The following CCDC175 variants were observed in gnomAD, a reference collection of about 807,000 sequenced individuals.
The protein encoded by CCDC175 is coiled-coil domain-containing protein 175.
A neutral mutation model predicts 114.6 loss-of-function variants in CCDC175; 100 were observed. The observed-to-expected ratio is 0.87, with a 90% CI of 0.74 to 1.03. The LOEUF (loss-of-function observed/expected upper bound fraction) is 1.03, where lower values mean the gene tolerates loss of function less well. CCDC175 is among the 50% of genes least tolerant of loss of function. The pLI is 0.00. For missense variants in CCDC175, 880 were observed against 917.8 expected (o/e 0.96, Z 0.53); for synonymous variants, 306 against 308.7 (o/e 0.99, Z 0.09).
At chr14:59,512,712 T>C (rs1892823149) in intron 17 of CCDC175, among the ~76,000 whole-genome samples, 1 of 152,152 alleles carries the variant, frequency 6.6e-6, no homozygotes, top group African/African-American at 2.4e-5. Flanking sequence ...AAATACTATA[T>C]TCTTGGATTA....
intron 2 of CCDC175, 87 bp from the exon 3 acceptor site, chr14:59,572,900 G>A (rs1436518926): frequency 1.4e-6 from 1 of 697,238 alleles, no homozygotes; most frequent in South Asian, 2.4e-5. Context: ...AATGTTTTCA[G>A]GGGTCAAAAT....
intron 4 of CCDC175, among the ~76,000 whole-genome samples, chr14:59,566,775 A>G (rs1178694047): frequency 6.6e-6 from 1 of 152,212 alleles, no homozygotes; most frequent in East Asian, 1.9e-4. Context: ...CACCTGTCAG[A>G]GTCTGTGAAC....
chr14:59,516,878 T>G (rs1893122265), intron 17 of CCDC175, among the ~76,000 whole-genome samples: 2 of 152,094 alleles, frequency 1.3e-5, no homozygotes, highest in Admixed American at 6.5e-5. Flanking sequence ...AAAGAGAATT[T>G]TAGACCAATA....
At chr14:59,557,194 T>A (rs1259314381) in intron 7 of CCDC175, among the ~76,000 whole-genome samples, 1 of 152,066 alleles carries the variant, frequency 6.6e-6, no homozygotes, top group African/African-American at 2.4e-5. Flanking sequence ...CTATTCACAA[T>A]AGCAAAGACT....
intron 8 of CCDC175, among the ~76,000 whole-genome samples, chr14:59,549,120 T>C (rs1266682900): frequency 6.6e-6 from 1 of 152,192 alleles, no homozygotes; most frequent in Non-Finnish European, 1.5e-5. Context: ...TTTTAGAAAC[T>C]AGTGAAAAAT....
intron 19 of CCDC175, among the ~76,000 whole-genome samples, chr14:59,509,818 T>G (rs1362209344): frequency 6.6e-6 from 1 of 152,204 alleles, no homozygotes; most frequent in East Asian, 1.9e-4. Flanking sequence ...CTCTTTTTAC[T>G]TTTATCCCAT....
intron 3 of CCDC175, 51 bp downstream of exon 3, chr14:59,572,651 A>G: frequency 1.0e-6 from 1 of 1,000,294 alleles, no homozygotes; most frequent in Non-Finnish European, 1.4e-6. Flanking sequence ...AAAGTACTTC[A>G]TTCTGTTATA....
intron 7 of CCDC175, among the ~76,000 whole-genome samples, chr14:59,557,041 T>G (rs553333892): frequency 5.3e-5 from 8 of 152,320 alleles, no homozygotes; most frequent in African/African-American, 1.9e-4. Flanking sequence ...GTTCAACGAT[T>G]GTGGAAGACA....
chr14:59,540,822 T>C (rs1595030325), intron 10 of CCDC175, 76 bp from the exon 11 acceptor site: 1 of 1,223,772 alleles, frequency 8.2e-7, no homozygotes, highest in South Asian at 1.4e-5. Context: ...ACGCATAATT[T>C]GTATGCTCAG....
At chr14:59,524,296 T>C (rs1205768194) in intron 16 of CCDC175, among the ~76,000 whole-genome samples, 1 of 151,578 alleles carries the variant, frequency 6.6e-6, no homozygotes, top group African/African-American at 2.4e-5. Context: ...AAATATAACA[T>C]TTAAAATGTT....
rs1428935167 is a variant in CCDC175, at chr14:59,567,649, G to GA, written c.491+595dup. Among the ~76,000 whole-genome samples, 7 of 152,298 alleles carry GA rather than the reference G, an allele frequency of 4.6e-5. No individual in the cohort carries two copies. The East Asian group carries it at 1.4e-3, about 29-fold the overall frequency. ...TTGTGATCCCCATTTCACAGATGGA[G>GA]AAAATGAGGCTCACTAAGAGGTGTC... On this transcript the variant is annotated intron_variant, in intron 4 of 19. Transcript: ENST00000537690.
In CCDC175 at chr14:59,513,648, T is replaced by G. The variant is rs553156594; in HGVS notation, c.2099-1845A>C. Among the ~76,000 whole-genome samples the G allele has an allele frequency of 3.3e-5, 5 of 152,214 alleles. No homozygotes were observed. The East Asian group carries it at 9.7e-4, about 29-fold the overall frequency. ...GTGCCTGCCATTGCTGAGGCTTGACTAGGTAAACAAAGCAGCCTGGAAGCT... is the reference window on the plus strand; with the variant it reads ...GTGCCTGCCATTGCTGAGGCTTGACGAGGTAAACAAAGCAGCCTGGAAGCT... On this transcript the variant is annotated intron_variant, in intron 17 of 19. Coordinates refer to ENST00000537690, the MANE Select transcript of CCDC175 (RefSeq NM_001164399.2).
chr14:59,564,712 T>C (rs1455180659), intron 5 of CCDC175, among the ~76,000 whole-genome samples: 2 of 152,122 alleles, frequency 1.3e-5, no homozygotes, highest in African/African-American at 4.8e-5. Flanking sequence ...GTCCTGTCCA[T>C]ACAGACACAG....
intron 8 of CCDC175, among the ~76,000 whole-genome samples, chr14:59,550,836 G>A (rs185402535): frequency 6.6e-6 from 1 of 152,214 alleles, no homozygotes; most frequent in East Asian, 1.9e-4. Flanking sequence ...TTAAGGGTGG[G>A]TCTGCTTTTC....
intron 2 of CCDC175, among the ~76,000 whole-genome samples, chr14:59,573,065 T>C (rs759899252): frequency 8.5e-5 from 13 of 152,180 alleles, no homozygotes; most frequent in Non-Finnish European, 1.3e-4. Flanking sequence ...TGAGTATCTG[T>C]TTCTTATATG....
chr14:59,547,428 G>A (rs1434906851), intron 8 of CCDC175, among the ~76,000 whole-genome samples: 1 of 152,112 alleles, frequency 6.6e-6, no homozygotes, highest in African/African-American at 2.4e-5. Context: ...CAAAGGTGAA[G>A]GATTTATACC....
chr14:59,523,631 A>C (rs1416362395), intron 16 of CCDC175, among the ~76,000 whole-genome samples: 1 of 152,216 alleles, frequency 6.6e-6, no homozygotes, highest in Non-Finnish European at 1.5e-5. Flanking sequence ...CCATGAGGTC[A>C]TTATGGATGG....
At chr14:59,535,672 A>G (rs1894349718) in intron 13 of CCDC175, among the ~76,000 whole-genome samples, 2 of 152,218 alleles carry the variant, frequency 1.3e-5, no homozygotes, top group Non-Finnish European at 2.9e-5. Flanking sequence ...TCCTAATTAA[A>G]GGAAAAACTC....
At chr14:59,525,101 G>T (rs1893667739) in intron 16 of CCDC175, among the ~76,000 whole-genome samples, 181 bp downstream of exon 16, 1 of 152,156 alleles carries the variant, frequency 6.6e-6, no homozygotes, top group African/African-American at 2.4e-5. Flanking sequence ...TCTTGATGTG[G>T]GTCCTGGTAC....
Sources: allele counts gnomAD v4.1 joint callset (sites outside exome capture counted in the v4.1 genomes callset), GRCh38; gene constraint gnomAD v4.1.1; transcripts MANE v1.5; gene names NCBI Gene and HGNC (gene_info 2026-07-23, HGNC 2026-07-21).